Variants in MYZAP observed in about 807,000 individuals in gnomAD.
MYZAP encodes the protein myocardial zonula adherens protein.
MYZAP carries 66 observed loss-of-function variants against 69.4 expected under a neutral mutation model. The observed-to-expected ratio is 0.95, with a 90% CI of 0.78 to 1.17. The LOEUF is 1.17. MYZAP is among the 50% of genes most tolerant of loss of function. MYZAP has a pLI of 0.00. For synonymous variants in MYZAP, 256 were observed against 205.9 expected (o/e 1.24, Z -2.09); for missense variants, 611 against 556.2 (o/e 1.10, Z -0.99).
At chr15:57,609,181 G>A (rs553074598) in intron 2 of MYZAP, among the ~76,000 whole-genome samples, 1 of 152,304 alleles carries the variant, frequency 6.6e-6, no homozygotes, top group South Asian at 2.1e-4. Flanking sequence ...CAAAGCCTAG[G>A]TGGCTGCCTT....
chr15:57,656,524 C>T (rs2038017516), intron 10 of MYZAP, among the ~76,000 whole-genome samples: 1 of 152,120 alleles, frequency 6.6e-6, no homozygotes, highest in Non-Finnish European at 1.5e-5. Context: ...AAAAAATGAA[C>T]CAAAGGCTTG....
intron 4 of MYZAP, 70 bp downstream of exon 4, chr15:57,621,770 G>C (rs1179744815): frequency 6.9e-7 from 1 of 1,456,232 alleles, no homozygotes; most frequent in Non-Finnish European, 9.6e-7. Flanking sequence ...TCAGTGGCTA[G>C]TGCCTAAAGA....
chr15:57,647,940 C>CA, intron 10 of MYZAP: 1 of 985,376 alleles, frequency 1.0e-6, no homozygotes. Flanking sequence ...CCTGCCCCGC[C>CA]ACCGCTTTCC....
At chr15:57,638,859 G>A (rs763218337) in intron 9 of MYZAP, among the ~76,000 whole-genome samples, 17 of 152,026 alleles carry the variant, frequency 1.1e-4, no homozygotes, top group South Asian at 2.1e-4. Flanking sequence ...CTTCTTCCCC[G>A]TCCTCCCCTC....
At chr15:57,645,309 G>T (rs1009319) in intron 10 of MYZAP, among the ~76,000 whole-genome samples, 17,514 of 152,194 alleles carry the variant, frequency 0.12, 1,812 homozygotes, top group African/African-American at 0.27. Flanking sequence ...AGATGAGTAA[G>T]AACTCTTCAG....
intron 11 of MYZAP, among the ~76,000 whole-genome samples, chr15:57,665,603 T>C (rs1281970385): frequency 1.3e-5 from 2 of 152,230 alleles, no homozygotes; most frequent in Non-Finnish European, 2.9e-5. Flanking sequence ...AAGAACACTT[T>C]AGCTGTTCTG....
chr15:57,627,708 G>C (rs2036243501), intron 5 of MYZAP, among the ~76,000 whole-genome samples: 1 of 152,116 alleles, frequency 6.6e-6, no homozygotes, highest in Non-Finnish European at 1.5e-5. Context: ...TTTATGAATA[G>C]ACAAACTGAG....
chr15:57,671,151 T>C (rs2038847042), intron 11 of MYZAP, among the ~76,000 whole-genome samples: 1 of 152,160 alleles, frequency 6.6e-6, no homozygotes, highest in Non-Finnish European at 1.5e-5. Flanking sequence ...TAGTTTTTCT[T>C]ATCTGAAAGT....
intron 10 of MYZAP, among the ~76,000 whole-genome samples, chr15:57,650,221 A>G (rs1000831457): frequency 3.3e-5 from 5 of 152,100 alleles, no homozygotes; most frequent in Non-Finnish European, 7.4e-5. Flanking sequence ...TCTTTGAACA[A>G]TCCTGTTTTC....
intron 11 of MYZAP, among the ~76,000 whole-genome samples, chr15:57,665,283 GTC>G (rs2038510946): frequency 6.6e-6 from 1 of 152,228 alleles, no homozygotes; most frequent in Non-Finnish European, 1.5e-5. Context: ...CTGGACGTGA[GTC>G]TTATAGGCTG....
chr15:57,603,209 A>T (rs1266054545), intron 1 of MYZAP, among the ~76,000 whole-genome samples: 1 of 152,212 alleles, frequency 6.6e-6, no homozygotes, highest in Non-Finnish European at 1.5e-5. Context: ...CTAATTAAGG[A>T]GTCAGATGTC....
chr15:57,637,466 C>A (rs2036881189), intron 8 of MYZAP, among the ~76,000 whole-genome samples: 1 of 152,136 alleles, frequency 6.6e-6, no homozygotes, highest in African/African-American at 2.4e-5. Context: ...GAAAATGAAT[C>A]TTGAATGGTT....
intron 5 of MYZAP, among the ~76,000 whole-genome samples, chr15:57,629,092 A>G (rs1435662519): frequency 6.8e-6 from 1 of 147,350 alleles, no homozygotes; most frequent in Non-Finnish European, 1.5e-5. Context: ...CAAAAACAAA[A>G]AAAAAAAAAA....
chr15:57,639,210 A>ATT (rs1242153297), intron 9 of MYZAP, among the ~76,000 whole-genome samples: 1 of 139,332 alleles, frequency 7.2e-6, no homozygotes, highest in South Asian at 2.3e-4. Context: ...ATTTTTATTT[A>ATT]TTTATTTTTT....
rs538654245 is a variant in MYZAP at position 57,667,617 on chromosome 15, G to A, written c.1203+6084G>A. ...TAGTCTTGATTTATTGTATCAAATC[G>A]GTTAATTTAATTTTTAAAGACTTTT... is the stretch of plus-strand genomic sequence containing the variant. On this transcript the variant is annotated intron_variant, in intron 11 of 12. Transcript: ENST00000267853. 3.9e-5 allele frequency among the ~76,000 whole-genome samples: 6 copies of A among 152,186 alleles called. No homozygotes were observed. The East Asian group carries it at 5.8e-4, about 15-fold the overall frequency.
rs755810342 is a variant in MYZAP, at chr15:57,604,276, T to C, written c.83T>C (p.Val28Ala). Residue 28 changes from valine (V) to alanine (A), a missense_variant, in exon 2 of 13, where the codon GTT becomes GCT. By Grantham distance (64) the Val-to-Ala change is moderately conservative (BLOSUM62 0). Coordinates refer to ENST00000267853, the MANE Select transcript of MYZAP (RefSeq NM_001018100.5). Reference protein sequence around the residue: ...TPGAPSRRANVCRLRLTVPPE... With the variant: ...TPGAPSRRANACRLRLTVPPE... ...CCTTTCCCTCTCTTCTAGGCAAATG[T>C]TTGCAGACTACGGCTGACCGTACCT... 1.2e-5 allele frequency: 20 copies of C among 1,614,052 alleles called. No homozygotes were observed. In the South Asian group the frequency reaches 2.2e-4, roughly 18 times the overall value.
intron 8 of MYZAP, among the ~76,000 whole-genome samples, chr15:57,635,044 A>T (rs1700216855): frequency 6.6e-6 from 1 of 152,176 alleles, no homozygotes; most frequent in South Asian, 2.1e-4. Flanking sequence ...AGCCGGCAGC[A>T]TAGCAGGGTG....
At chr15:57,659,355 G>A (rs2038163271) in intron 10 of MYZAP, among the ~76,000 whole-genome samples, 1 of 151,890 alleles carries the variant, frequency 6.6e-6, no homozygotes, top group South Asian at 2.1e-4. Context: ...TGTTCTTATT[G>A]TTTCCAAGTT....
chr15:57,644,815 A>G (rs1435845020), intron 10 of MYZAP, among the ~76,000 whole-genome samples: 1 of 152,182 alleles, frequency 6.6e-6, no homozygotes, highest in Admixed American at 6.5e-5. Flanking sequence ...TCCAGATAAT[A>G]CAAACTTCCC....
Sources: allele counts gnomAD v4.1 joint callset (sites outside exome capture counted in the v4.1 genomes callset), GRCh38; gene constraint gnomAD v4.1.1; transcripts MANE v1.5; gene names NCBI Gene and HGNC (gene_info 2026-07-23, HGNC 2026-07-21).